The following R3HDM2 variants were observed in gnomAD, a reference collection of about 807,000 sequenced individuals.
The protein encoded by R3HDM2 is R3H domain containing 2, also known as R3H domain-containing protein 2.
Under a neutral mutation model 124.5 loss-of-function variants are expected in R3HDM2, and 38 were observed. That is an observed-to-expected ratio of 0.31 (90% CI 0.24 to 0.40). The LOEUF is 0.40. R3HDM2 is among the 10% of genes least tolerant of loss of function. The probability of loss-of-function intolerance (pLI) is 1.00; values close to 1 mark genes in which losing one functional copy is unlikely to be tolerated. For synonymous variants in R3HDM2, 391 were observed against 448.0 expected (o/e 0.87, Z 1.61); for missense variants, 869 against 1,236.9 (o/e 0.70, Z 4.46).
chr12:57,396,777 CA>C (rs35199480), intron 1 of R3HDM2, among the ~76,000 whole-genome samples: 93,968 of 104,920 alleles, frequency 0.9, 41,778 homozygotes, highest in East Asian at 0.95. Context: ...GACTCTGTCT[CA>C]AAAAAAAAAA....
chr12:57,289,126 C>T, intron 11 of R3HDM2, 86 bp from the exon 12 acceptor site: 1 of 1,337,682 alleles, frequency 7.5e-7, no homozygotes, highest in Non-Finnish European at 1.0e-6. Flanking sequence ...CTATGAATAC[C>T]CAAGGTCCTC....
chr12:57,305,530 G>A, intron 3 of R3HDM2: 1 of 396,432 alleles, frequency 2.5e-6, no homozygotes, highest in Non-Finnish European at 4.5e-6. Flanking sequence ...GAATGAATCT[G>A]CTTATTTCCC....
chr12:57,273,918 A>C (rs1452831474), intron 14 of R3HDM2, among the ~76,000 whole-genome samples: 52 of 152,188 alleles, frequency 3.4e-4, no homozygotes, highest in Admixed American at 3.3e-3. Context: ...GGTCTCAATA[A>C]TTAGGTAAAA....
At chr12:57,329,025 A>G (rs997679835) in intron 2 of R3HDM2, among the ~76,000 whole-genome samples, 1 of 152,216 alleles carries the variant, frequency 6.6e-6, no homozygotes, top group African/African-American at 2.4e-5. Context: ...TACTCTCTAC[A>G]TGGTATCTCA....
At chr12:57,346,502 G>A (rs1566273257) in intron 2 of R3HDM2, among the ~76,000 whole-genome samples, 1 of 151,780 alleles carries the variant, frequency 6.6e-6, no homozygotes, top group Non-Finnish European at 1.5e-5. Flanking sequence ...AAGGAAGTGG[G>A]ACAACATTTT....
intron 2 of R3HDM2, among the ~76,000 whole-genome samples, chr12:57,360,287 G>A (rs1432768791): frequency 6.6e-6 from 1 of 151,668 alleles, no homozygotes; most frequent in East Asian, 1.9e-4. Flanking sequence ...CTCGGCCTCT[G>A]AAAGTGCTGG....
At chr12:57,275,766 T>C in intron 14 of R3HDM2, among the ~76,000 whole-genome samples, 1 of 152,102 alleles carries the variant, frequency 6.6e-6, no homozygotes, top group Non-Finnish European at 1.5e-5. Context: ...AAAACCACAA[T>C]GTGATACCAC....
At chr12:57,387,325 C>T (rs1439318384) in intron 2 of R3HDM2, among the ~76,000 whole-genome samples, 2 of 152,054 alleles carry the variant, frequency 1.3e-5, no homozygotes, top group African/African-American at 4.8e-5. Flanking sequence ...ACTCCTGAAG[C>T]CAGCGAGACC....
At chr12:57,341,775 G>C (rs1015688722) in intron 2 of R3HDM2, among the ~76,000 whole-genome samples, 2 of 152,150 alleles carry the variant, frequency 1.3e-5, no homozygotes, top group African/African-American at 4.8e-5. Flanking sequence ...GCGGATAGCT[G>C]GGTAATGACA....
chr12:57,300,303 T>A, intron 4 of R3HDM2, 122 bp from the exon 5 acceptor site: 2 of 796,446 alleles, frequency 2.5e-6, no homozygotes, highest in South Asian at 3.4e-5. Flanking sequence ...TGTTAGTTGC[T>A]GTTTCCATTA....
chr12:57,306,411 G>T (rs1280134071), intron 3 of R3HDM2, among the ~76,000 whole-genome samples: 2 of 21,374 alleles, frequency 9.4e-5, no homozygotes, highest in Admixed American at 8.7e-4. Flanking sequence ...TACCAAGTTG[G>T]CTATTTTTTT....
chr12:57,328,302 T>C (rs1205274938), intron 2 of R3HDM2, among the ~76,000 whole-genome samples: 1 of 152,012 alleles, frequency 6.6e-6, no homozygotes, highest in East Asian at 1.9e-4. Flanking sequence ...GCTTAAGTGA[T>C]CTGCCTGCCT....
Position 57,296,163 on chromosome 12 carries a change from C to T in R3HDM2, c.701+248G>A, listed in dbSNP as rs368076152. Among the ~76,000 whole-genome samples, 5 of 151,966 alleles carry T rather than the reference C, an allele frequency of 3.3e-5. No individual in the cohort carries two copies. Among genetic ancestry groups the T allele is most frequent in the Admixed American group, 3.3e-4 (5 of 15,268 alleles). ...GATTACAGGCGTCAGCCACTGCGCC[C>T]GGCCATTTTTAAACTTTTTTTTTTT... On this transcript the variant is annotated intron_variant, in intron 9 of 23. Transcript: ENST00000402412. This position sits in a 1 kb window ranked among gnomAD's most constrained non-coding sequence, Gnocchi z 4.5.
intron 2 of R3HDM2, among the ~76,000 whole-genome samples, chr12:57,310,750 T>C (rs1041467423): frequency 6.6e-6 from 1 of 152,206 alleles, no homozygotes; most frequent in African/African-American, 2.4e-5. Context: ...GCATTCACCA[T>C]GCCCCAAAGG....
chr12:57,378,414 C>G (rs528277353), intron 2 of R3HDM2, among the ~76,000 whole-genome samples: 1 of 152,146 alleles, frequency 6.6e-6, no homozygotes, highest in South Asian at 2.1e-4. Flanking sequence ...GGGTCTTGCT[C>G]TGTTGTCCAG....
chr12:57,328,237 T>C (rs1348205184), intron 2 of R3HDM2, among the ~76,000 whole-genome samples: 2 of 152,090 alleles, frequency 1.3e-5, no homozygotes, highest in African/African-American at 4.8e-5. Context: ...AATTTTTGTA[T>C]TTTCTGTAGA....
At chr12:57,317,987 CCAA>C (rs1332453507) in intron 2 of R3HDM2, among the ~76,000 whole-genome samples, 10 of 64,904 alleles carry the variant, frequency 1.5e-4, no homozygotes, top group Non-Finnish European at 2.9e-4. Context: ...CCCCGCCCCC[CCAA>C]AAAAAAAAAA....
At chr12:57,338,498 T>C (rs2059148219) in intron 2 of R3HDM2, among the ~76,000 whole-genome samples, 1 of 152,128 alleles carries the variant, frequency 6.6e-6, no homozygotes, top group Non-Finnish European at 1.5e-5. Context: ...CAAGTGATCC[T>C]CCTGCCTCAG....
intron 14 of R3HDM2, among the ~76,000 whole-genome samples, chr12:57,271,894 A>ATTT (rs377415685): frequency 1.4e-5 from 2 of 143,526 alleles, no homozygotes; most frequent in African/African-American, 5.1e-5. Flanking sequence ...CTGCAACTGC[A>ATTT]TTTTTTTTTT....
Sources: allele counts gnomAD v4.1 joint callset (sites outside exome capture counted in the v4.1 genomes callset), GRCh38; gene constraint gnomAD v4.1.1; non-coding constraint Gnocchi (gnomAD v3.1); transcripts MANE v1.5; gene names NCBI Gene and HGNC (gene_info 2026-07-23, HGNC 2026-07-21).